CDC42EP3: variants seen among roughly 807,000 people sequenced by gnomAD.
CDC42EP3 encodes the protein CDC42 effector protein 3, also known as CDC42 effector protein (Rho GTPase binding) 3.
CDC42EP3 carries 4 observed loss-of-function variants against 15.5 expected under a neutral mutation model. That is an observed-to-expected ratio of 0.26 (90% CI 0.13 to 0.59). The LOEUF is 0.59. Ranked by LOEUF, CDC42EP3 falls within the 20% of genes least tolerant of loss-of-function variation. The probability of loss-of-function intolerance (pLI) is 0.89; values close to 1 mark genes in which losing one functional copy is unlikely to be tolerated. For missense variants in CDC42EP3, 309 were observed against 311.2 expected (o/e 0.99, Z 0.05); for synonymous variants, 145 against 130.3 (o/e 1.11, Z -0.77).
chr2:37,656,820 C>G (rs1000034337), intron 1 of CDC42EP3, among the ~76,000 whole-genome samples: 9 of 152,196 alleles, frequency 5.9e-5, no homozygotes, highest in African/African-American at 2.2e-4. Flanking sequence ...CTAACCTGAC[C>G]TTGTCAGAAG....
At chr2:37,661,207 C>G (rs1329430807) in intron 1 of CDC42EP3, among the ~76,000 whole-genome samples, 1 of 151,922 alleles carries the variant, frequency 6.6e-6, no homozygotes, top group Non-Finnish European at 1.5e-5. Context: ...GAGACAATTA[C>G]TTGTGACTAC....
At chr2:37,671,994 C>G (rs929922400), upstream of CDC42EP3, 2 of 152,220 alleles carry the variant, frequency 1.3e-5, no homozygotes, top group Non-Finnish European at 2.9e-5. Context: ...TGCTGCCGCC[C>G]GGGTGCACGG....
intron 1 of CDC42EP3, among the ~76,000 whole-genome samples, chr2:37,653,824 A>G (rs1665762535): frequency 6.6e-6 from 1 of 151,996 alleles, no homozygotes; most frequent in East Asian, 1.9e-4. Context: ...ACACACATGT[A>G]TAAAAATGGG....
At chr2:37,662,940 G>A (rs1331371193) in intron 1 of CDC42EP3, among the ~76,000 whole-genome samples, 4 of 152,096 alleles carry the variant, frequency 2.6e-5, no homozygotes, top group Admixed American at 6.5e-5. Flanking sequence ...CGAGGCGGGC[G>A]GATCGCCTGA....
At chr2:37,662,139 AC>A (rs1221828430) in intron 1 of CDC42EP3, among the ~76,000 whole-genome samples, 6 of 152,186 alleles carry the variant, frequency 3.9e-5, no homozygotes, top group Admixed American at 3.9e-4. Flanking sequence ...GAATCAAAAT[AC>A]TTTTTACCAG....
chr2:37,671,860 G>C (rs1666442181), upstream of CDC42EP3: 1 of 151,914 alleles, frequency 6.6e-6, no homozygotes, highest in South Asian at 2.0e-4. Flanking sequence ...GACAATGGGC[G>C]CCCATTGTTA....
At chr2:37,667,523 C>T (rs190333902) in intron 1 of CDC42EP3, among the ~76,000 whole-genome samples, 2 of 152,272 alleles carry the variant, frequency 1.3e-5, no homozygotes, top group African/African-American at 4.8e-5. Flanking sequence ...TGCTTTCTCA[C>T]CATATAGTCC....
chr2:37,660,912 A>G (rs1192484881), intron 1 of CDC42EP3, among the ~76,000 whole-genome samples: 1 of 152,148 alleles, frequency 6.6e-6, no homozygotes, highest in Non-Finnish European at 1.5e-5. Flanking sequence ...GCCAGAGTGG[A>G]CCAGTAATCA....
chr2:37,658,732 C>T (rs1665961284), intron 1 of CDC42EP3, among the ~76,000 whole-genome samples: 1 of 152,220 alleles, frequency 6.6e-6, no homozygotes, highest in Admixed American at 6.5e-5. Flanking sequence ...TCCTATCAGT[C>T]TGTCTGGACT....
At chr2:37,666,716 A>G (rs530362696) in intron 1 of CDC42EP3, among the ~76,000 whole-genome samples, 1 of 152,248 alleles carries the variant, frequency 6.6e-6, no homozygotes, top group Admixed American at 6.5e-5. Flanking sequence ...TATGGTTAAA[A>G]TTTGAAAACT....
upstream of CDC42EP3, chr2:37,672,242 T>G (rs1476108780): frequency 6.6e-6 from 1 of 152,216 alleles, no homozygotes; most frequent in Non-Finnish European, 1.5e-5. Flanking sequence ...CTCGCTCCCC[T>G]CAGAGCTGCA....
rs545021457 is a variant in CDC42EP3 at position 37,656,446 on chromosome 2, G to C, written c.-235-9624C>G. Among the ~76,000 whole-genome samples, 564 of 152,264 alleles carry C rather than the reference G, an allele frequency of 3.7e-3. 1 individual carries two copies. The highest frequency in any genetic ancestry group is 7.3e-3 in the South Asian group (35 of 4,824). On this transcript the variant is annotated intron_variant, in intron 1 of 1. Coordinates refer to ENST00000295324, the MANE Select transcript of CDC42EP3 (RefSeq NM_006449.5). ...ATGAGAGCCAGGTTGACTTGCTCCC[G>C]GGGGCCAAACCCTAGAGCAAGTCTA...
chr2:37,666,858 A>G (rs911845319), intron 1 of CDC42EP3, among the ~76,000 whole-genome samples: 3 of 150,696 alleles, frequency 2.0e-5, no homozygotes, highest in Admixed American at 6.6e-5. Flanking sequence ...CTATTGCTTT[A>G]GAACTACATG....
At chr2:37,649,220 G>A (rs1665585093) in intron 1 of CDC42EP3, among the ~76,000 whole-genome samples, 1 of 151,866 alleles carries the variant, frequency 6.6e-6, no homozygotes, top group Non-Finnish European at 1.5e-5. Context: ...GGAGGCTGAA[G>A]CAGGAGGACT....
At chr2:37,668,239 T>C (rs992991004) in intron 1 of CDC42EP3, among the ~76,000 whole-genome samples, 4 of 152,170 alleles carry the variant, frequency 2.6e-5, no homozygotes, top group African/African-American at 7.2e-5. Context: ...CCACGGGTAA[T>C]TGGGGACCAC....
At position 37,645,842 on chromosome 2, in the gene CDC42EP3, A is replaced by C. The variant is rs1665433620; in HGVS notation, c.746T>G (p.Val249Gly). ...GPSLLDEVLN[V>G]MDKNK ...ATCTTGTTACTTATTTTTATCCATTACATTCAGCACCTCATCCAAAAGTGA... is the reference window on the plus strand; with the variant it reads ...ATCTTGTTACTTATTTTTATCCATTCCATTCAGCACCTCATCCAAAAGTGA... Residue 249 changes from valine (V) to glycine (G), a missense_variant, in exon 2 of 2, where the codon GTA becomes GGA. Physicochemically the swap from Val to Gly is moderately radical, Grantham distance 109 (BLOSUM62 -3). Coordinates refer to ENST00000295324, the MANE Select transcript of CDC42EP3 (RefSeq NM_006449.5). The C allele has an allele frequency of 6.5e-7, 1 of 1,539,902 alleles. No homozygotes were observed. Among genetic ancestry groups the C allele is most frequent in the East Asian group, 2.3e-5 (1 of 44,264 alleles).
intron 1 of CDC42EP3, among the ~76,000 whole-genome samples, chr2:37,650,917 A>G (rs915893520): frequency 1.3e-5 from 2 of 152,252 alleles, no homozygotes; most frequent in African/African-American, 4.8e-5. Context: ...GATTGCACTT[A>G]TAGGGATTTA....
At chr2:37,666,066 G>A (rs143440743) in intron 1 of CDC42EP3, among the ~76,000 whole-genome samples, 30 of 152,196 alleles carry the variant, frequency 2.0e-4, no homozygotes, top group Middle Eastern at 3.4e-3. Context: ...TTTTATCAGC[G>A]TTTGCCAGGA....
Position 37,643,992 on chromosome 2 carries a change from T to G in CDC42EP3, c.*1831A>C, listed in dbSNP as rs1345589606. ...TCTGAGATTTTTTTTTTTTTTTTTT[T>G]TTGCAATTTTCTATTTTTATTTTTT... is the stretch of plus-strand genomic sequence containing the variant. On this transcript the variant is annotated 3_prime_UTR_variant, in exon 2 of 2. Coordinates refer to ENST00000295324, the MANE Select transcript of CDC42EP3 (RefSeq NM_006449.5). The G allele has an allele frequency of 1.5e-5, 2 of 130,720 alleles. No homozygotes were observed. Among genetic ancestry groups the G allele is most frequent in the Non-Finnish European group, 3.3e-5 (2 of 61,494 alleles). The allele number at this position is 130,720 out of a possible 1,614,324, so 8.1% of individuals were successfully genotyped here.
Sources: gnomAD v4.1 joint callset for allele counts (sites outside exome capture counted in the v4.1 genomes callset) on GRCh38, gnomAD v4.1.1 for gene constraint, MANE v1.5 for transcripts, NCBI Gene and HGNC (gene_info 2026-07-23, HGNC 2026-07-21) for gene names.